The following KAZN variants were observed in gnomAD, a reference collection of about 807,000 sequenced individuals.
The protein encoded by KAZN is kazrin.
In KAZN, 40 loss-of-function variants were observed where a neutral mutation model predicts 87.4. That is an observed-to-expected ratio of 0.46 (90% CI 0.36 to 0.60). The LOEUF (loss-of-function observed/expected upper bound fraction) is 0.60, where lower values mean the gene tolerates loss of function less well. Among genes scored for constraint, KAZN ranks in the 20% least tolerant of loss-of-function variants. The pLI, the probability that KAZN is intolerant of heterozygous loss-of-function variation, is 0.00. For missense variants in KAZN, 898 were observed against 1,073.9 expected (o/e 0.84, Z 2.29); for synonymous variants, 466 against 458.3 (o/e 1.02, Z -0.22).
intron 1 of KAZN, among the ~76,000 whole-genome samples, chr1:14,866,653 G>C (rs1034036958): frequency 1.3e-5 from 2 of 152,170 alleles, no homozygotes; most frequent in African/African-American, 4.8e-5. Flanking sequence ...CTTGAGCCCA[G>C]GAGGTTGAGG....
intron 2 of KAZN, among the ~76,000 whole-genome samples, chr1:14,997,229 ATT>A (rs1667982277): frequency 1.4e-5 from 2 of 146,398 alleles, no homozygotes; most frequent in Non-Finnish European, 3.0e-5. Context: ...TTATTTATTT[ATT>A]TATTTATTTA....
At position 14,735,307 on chromosome 1, in the gene KAZN, G is replaced by A. The variant is rs887531178; in HGVS notation, c.226+136084G>A. Among the ~76,000 whole-genome samples the A allele has an allele frequency of 6.6e-6, 1 of 152,174 alleles. No individual in the cohort carries two copies. Among genetic ancestry groups the A allele is most frequent in the Non-Finnish European group, 1.5e-5 (1 of 68,030 alleles). On this transcript the variant is annotated intron_variant, in intron 1 of 14. Coordinates refer to ENST00000376030, the MANE Select transcript of KAZN (RefSeq NM_201628.3). This position sits in a 1 kb window ranked among gnomAD's most constrained non-coding sequence, Gnocchi z 4.3. The stretch of plus-strand genomic sequence containing the variant: ...GATCTCCTGACCTCGTGATCCGCCC[G>A]CCTCGGCCTCCCAAAGTGCTGGGAT...
Position 14,309,473 on chromosome 1 carries a change from G to A in KAZN, c.249+128881G>A, listed in dbSNP as rs192648600. ...GGGAGGAGGTCACAGCAGTGGCCAGGACCAGATTACAGGGGCCTTGGAGGC... is the reference window on the plus strand; with the variant it reads ...GGGAGGAGGTCACAGCAGTGGCCAGAACCAGATTACAGGGGCCTTGGAGGC... On this transcript the variant is annotated intron_variant, in intron 2 of 16. Coordinates refer to the KAZN transcript ENST00000636203. Among the ~76,000 whole-genome samples, 843 of 152,312 alleles carry A rather than the reference G, an allele frequency of 5.5e-3. 2 individuals are homozygous for A. The highest frequency in any genetic ancestry group is 8.5e-3 in the Non-Finnish European group (580 of 68,010).
chr1:14,850,996 G>C (rs2744861), intron 1 of KAZN, among the ~76,000 whole-genome samples: 6 of 152,328 alleles, frequency 3.9e-5, no homozygotes, highest in African/African-American at 1.4e-4. Flanking sequence ...CTGTCCTCCA[G>C]GCCCTGCACA....
chr1:14,141,290 C>T (rs1418824938), intron 1 of KAZN, among the ~76,000 whole-genome samples: 2 of 149,366 alleles, frequency 1.3e-5, no homozygotes, highest in Non-Finnish European at 3.0e-5. Flanking sequence ...AAATGACATG[C>T]TTGCCCCAAG....
intron 2 of KAZN, among the ~76,000 whole-genome samples, chr1:14,512,178 G>C (rs931974424): frequency 2.6e-5 from 4 of 152,034 alleles, no homozygotes; most frequent in Non-Finnish European, 5.9e-5. Flanking sequence ...GTGTGTTCGC[G>C]GGTCAGGAGA....
rs1389661169 is a variant in KAZN, at chr1:15,116,007, G to C, written c.*1372G>C. The C allele has an allele frequency of 6.6e-6, 1 of 152,138 alleles. No individual in the cohort carries two copies. Among genetic ancestry groups the C allele is most frequent in the Non-Finnish European group, 1.5e-5 (1 of 68,046 alleles). 9.4% of individuals were successfully genotyped at this position (152,138 alleles called of 1,614,324 possible). A position where few individuals can be genotyped will look rare whatever the true frequency, so the allele number is the denominator to read the frequency against. Reference sequence around the variant, plus strand: ...CAGACCTGCCAAGAGCCTCCAACAGGGCTCAAGAAACATATAAATCCCATG... The same window carrying C: ...CAGACCTGCCAAGAGCCTCCAACAGCGCTCAAGAAACATATAAATCCCATG... On this transcript the variant is annotated 3_prime_UTR_variant, in exon 15 of 15. Coordinates refer to ENST00000376030, the MANE Select transcript of KAZN (RefSeq NM_201628.3).
intron 2 of KAZN, among the ~76,000 whole-genome samples, chr1:14,569,108 T>C (rs1674706781): frequency 6.6e-6 from 1 of 152,206 alleles, no homozygotes; most frequent in South Asian, 2.1e-4. Context: ...ATGTTTTTCC[T>C]AAGGCTATCC....
Position 14,784,147 on chromosome 1 carries a change from C to CGGGTGG in KAZN, c.227-176536_227-176531dup, listed in dbSNP as rs573582656. Among the ~76,000 whole-genome samples the CGGGTGG allele has an allele frequency of 2.6e-4, 40 of 152,262 alleles. No homozygotes were observed. In the South Asian group the frequency reaches 8.3e-3, roughly 32 times the overall value. ...TCAGGCAGGGGTGAAGCTGCTGCCT[C>CGGGTGG]GGGTGGAGTTTCTTCTTTATCAAGG... On this transcript the variant is annotated intron_variant, in intron 1 of 14. Coordinates refer to ENST00000376030, the MANE Select transcript of KAZN (RefSeq NM_201628.3).
intron 2 of KAZN, among the ~76,000 whole-genome samples, chr1:15,019,444 A>G (rs1162588389): frequency 6.6e-6 from 1 of 152,174 alleles, no homozygotes; most frequent in African/African-American, 2.4e-5. Flanking sequence ...GCTGGAGTGC[A>G]GTGGTGCAAT....
At chr1:14,612,021 T>C (rs1240307725) in intron 1 of KAZN, among the ~76,000 whole-genome samples, 1 of 152,172 alleles carries the variant, frequency 6.6e-6, no homozygotes, top group African/African-American at 2.4e-5. Flanking sequence ...AGCTCTGAGG[T>C]GATCATTTGC....
chr1:14,607,673 A>G (rs976549522), intron 1 of KAZN, among the ~76,000 whole-genome samples: 1 of 152,176 alleles, frequency 6.6e-6, no homozygotes, highest in African/African-American at 2.4e-5. Context: ...AAACGTGAGA[A>G]TCTCTTCTCT....
In KAZN at chr1:14,490,270, T is replaced by A. The variant is rs1208296568; in HGVS notation, c.250-108713T>A. Among the ~76,000 whole-genome samples the A allele has an allele frequency of 3.9e-5, 6 of 152,272 alleles. No homozygotes were observed. In the East Asian group the frequency reaches 1.2e-3, roughly 29 times the overall value. On this transcript the variant is annotated intron_variant, in intron 2 of 16. Coordinates refer to the KAZN transcript ENST00000636203. ...GAGACCCTTTTATATCAGGAAAAAA[T>A]TTACCCTTTATCTGCGTTAGTTACA...
chr1:14,281,858 A>G (rs2100717501), intron 2 of KAZN, among the ~76,000 whole-genome samples: 1 of 152,270 alleles, frequency 6.6e-6, no homozygotes, highest in East Asian at 1.9e-4. Context: ...AACAGTTTCC[A>G]CGAGGGTGAC....
intron 2 of KAZN, among the ~76,000 whole-genome samples, chr1:14,442,800 A>G (rs1376561105): frequency 6.6e-6 from 1 of 152,194 alleles, no homozygotes; most frequent in African/African-American, 2.4e-5. Flanking sequence ...TGAGCACCGA[A>G]AGCACTTCCC....
At chr1:14,356,809 T>C (rs563579882) in intron 2 of KAZN, among the ~76,000 whole-genome samples, 1 of 152,204 alleles carries the variant, frequency 6.6e-6, no homozygotes, top group Non-Finnish European at 1.5e-5. Flanking sequence ...ACTGGTACCA[T>C]GCTGTTTTGG....
At chr1:14,346,679 G>T (rs150841656) in intron 2 of KAZN, among the ~76,000 whole-genome samples, 23 of 152,150 alleles carry the variant, frequency 1.5e-4, no homozygotes, top group African/African-American at 5.5e-4. Flanking sequence ...GATTGAGGTG[G>T]CGCCCAGGAC....
intron 1 of KAZN, among the ~76,000 whole-genome samples, chr1:14,178,254 C>T (rs1021351710): frequency 2.6e-5 from 4 of 152,122 alleles, no homozygotes; most frequent in Admixed American, 6.6e-5. Flanking sequence ...CCAGTCTCTC[C>T]GATGTTTCTT....
intron 2 of KAZN, among the ~76,000 whole-genome samples, chr1:14,415,487 C>CA (rs2101232345): frequency 6.6e-6 from 1 of 152,270 alleles, no homozygotes; most frequent in African/African-American, 2.4e-5. Context: ...TTCCAACAAA[C>CA]AGTGTCTCAT....
Sources: allele counts gnomAD v4.1 joint callset (sites outside exome capture counted in the v4.1 genomes callset), GRCh38; gene constraint gnomAD v4.1.1; non-coding constraint Gnocchi (gnomAD v3.1); transcripts MANE v1.5; gene names NCBI Gene and HGNC (gene_info 2026-07-23, HGNC 2026-07-21).